The following BNC2 variants were observed in gnomAD, a reference collection of about 807,000 sequenced individuals.
BNC2 encodes zinc finger protein basonuclin-2.
BNC2 carries 20 observed loss-of-function variants against 76.3 expected under a neutral mutation model. That is an observed-to-expected ratio of 0.26 (90% CI 0.18 to 0.38). The LOEUF (loss-of-function observed/expected upper bound fraction) is 0.38. BNC2 is among the 10% of genes least tolerant of loss of function. BNC2 has a pLI of 1.00. For missense variants in BNC2, 1,382 were observed against 1,399.8 expected (o/e 0.99, Z 0.20); for synonymous variants, 582 against 514.8 (o/e 1.13, Z -1.77).
chr9:16,757,042 G>T (rs1481306859), intron 1 of BNC2, among the ~76,000 whole-genome samples: 1 of 147,258 alleles, frequency 6.8e-6, no homozygotes, highest in African/African-American at 2.5e-5. Context: ...TATTCCTAAA[G>T]TGCCCTGTAC....
chr9:16,808,449 T>A (rs1817964238), intron 1 of BNC2, among the ~76,000 whole-genome samples: 1 of 145,960 alleles, frequency 6.9e-6, no homozygotes, highest in Admixed American at 6.8e-5. Flanking sequence ...CCTGAATCTA[T>A]CAATATCCTA....
chr9:16,451,058 ATTAACT>A (rs34079433), intron 5 of BNC2, among the ~76,000 whole-genome samples: 83,825 of 151,306 alleles, frequency 0.55, 24,759 homozygotes, highest in African/African-American at 0.77. Context: ...TTTCTAAATC[ATTAACT>A]TTATCTTTTA....
At position 16,436,874 on chromosome 9, in the gene BNC2, T is replaced by A; in HGVS notation, c.1320A>T (p.Arg440Ser). ...RRMGSASRKG[R>S]VFCNACGKTF... ...TCTTCCCACATGCATTACAGAACACTCTTCCTTTCCTAGAGGCTGACCCCA... is the reference window on the plus strand; with the variant it reads ...TCTTCCCACATGCATTACAGAACACACTTCCTTTCCTAGAGGCTGACCCCA... The change falls in exon 6 of 7, where the codon AGA becomes AGT. Residue 440 changes from arginine (R) to serine (S), a missense_variant. Physicochemically the swap from Arg to Ser is moderately radical, Grantham distance 110. Transcript: ENST00000380672. 4 of 1,614,144 alleles carry A rather than the reference T, an allele frequency of 2.5e-6. No individual in the cohort carries two copies. The highest frequency in any genetic ancestry group is 2.5e-6 in the Non-Finnish European group (3 of 1,180,040).
intron 6 of BNC2, among the ~76,000 whole-genome samples, chr9:16,423,056 G>A (rs1218549078): frequency 6.6e-6 from 1 of 152,224 alleles, no homozygotes; most frequent in Non-Finnish European, 1.5e-5. Context: ...GAAGGCCAGA[G>A]AGTGCTGGAA....
chr9:16,780,239 AAAAAAAAAAAAAAAAAAC>A (rs1235432241), intron 1 of BNC2, among the ~76,000 whole-genome samples: 2 of 105,264 alleles, frequency 1.9e-5, no homozygotes, highest in African/African-American at 4.5e-5. Context: ...TCGTTTCAAA[AAAAAAAAAAAAAAAAAAC>A]AAAAAAAAAC....
chr9:16,441,486 A>T (rs1237630114), intron 5 of BNC2, among the ~76,000 whole-genome samples: 1 of 152,220 alleles, frequency 6.6e-6, no homozygotes, highest in Non-Finnish European at 1.5e-5. Context: ...GTTAGAAAGC[A>T]TCAAAGGGAA....
intron 5 of BNC2, among the ~76,000 whole-genome samples, chr9:16,471,798 C>G (rs1008337025): frequency 6.6e-6 from 1 of 152,038 alleles, no homozygotes; most frequent in African/African-American, 2.4e-5. Context: ...GTGTCCCCAC[C>G]AAAATCTCAA....
chr9:16,555,620 TC>T (rs997856485), intron 4 of BNC2, among the ~76,000 whole-genome samples: 1 of 151,538 alleles, frequency 6.6e-6, no homozygotes, highest in Non-Finnish European at 1.5e-5. Context: ...GCGGTGAAAC[TC>T]CCACCTCTAC....
chr9:16,437,384 G>T lies in BNC2; in HGVS notation c.810C>A (p.Ala270=). The T allele has an allele frequency of 6.2e-7, 1 of 1,612,210 alleles. No individual in the cohort carries two copies. Among genetic ancestry groups the T allele is most frequent in the South Asian group, 1.1e-5 (1 of 90,970 alleles). ...LMAIQEKEGQ[A]VAVPSSKTDS... is the part of the protein sequence containing the mutation. ...CTGTCTTTGAAGATGGTACAGCCAC[G>T]GCCTGCCCTTCTTTCTCCTGAATTG... The change falls in exon 6 of 7, where the codon GCC becomes GCA. Residue 270 remains alanine (A), a synonymous_variant. Transcript: ENST00000380672.
chr9:16,853,824 A>G (rs1819188554), intron 1 of BNC2, among the ~76,000 whole-genome samples: 1 of 152,026 alleles, frequency 6.6e-6, no homozygotes, highest in Non-Finnish European at 1.5e-5. Flanking sequence ...GCCAAGACTG[A>G]GCCACTGCAC....
intron 3 of BNC2, among the ~76,000 whole-genome samples, chr9:16,684,294 A>G (rs1271383237): frequency 6.6e-6 from 1 of 152,198 alleles, no homozygotes; most frequent in East Asian, 1.9e-4. Context: ...CTGCATTTGC[A>G]TGTCACACAC....
intron 1 of BNC2, among the ~76,000 whole-genome samples, chr9:16,812,790 C>CAA (rs1345185590): frequency 6.6e-6 from 1 of 151,798 alleles, no homozygotes; most frequent in Admixed American, 6.6e-5. Context: ...TGTTAAGCAA[C>CAA]AAAAATAAAA....
chr9:16,454,334 A>T lies in BNC2; in HGVS notation c.670-16810T>A, dbSNP rs552743401. Among the ~76,000 whole-genome samples, 20 of 132,250 alleles carry T rather than the reference A, an allele frequency of 1.5e-4. 1 individual carries two copies. The East Asian group carries it at 4.6e-3, about 31-fold the overall frequency. The allele number at this position is 132,250 out of a possible 152,430, so 86.8% of individuals were successfully genotyped here. ...TTTTTAATTTTAGAGAGAGGGTCTCACTCTGTTGCCCAGGCTGGAGTGCAG... is the reference window on the plus strand; with the variant it reads ...TTTTTAATTTTAGAGAGAGGGTCTCTCTCTGTTGCCCAGGCTGGAGTGCAG... On this transcript the variant is annotated intron_variant, in intron 5 of 6. Coordinates refer to ENST00000380672, the MANE Select transcript of BNC2 (RefSeq NM_017637.6).
At chr9:16,692,925 T>C (rs976534457) in intron 3 of BNC2, among the ~76,000 whole-genome samples, 4 of 152,014 alleles carry the variant, frequency 2.6e-5, no homozygotes, top group Non-Finnish European at 5.9e-5. Context: ...AGGTCAGGAA[T>C]TCGACACTAG....
chr9:16,468,479 T>A (rs1166073419), intron 5 of BNC2, among the ~76,000 whole-genome samples: 1 of 152,030 alleles, frequency 6.6e-6, no homozygotes, highest in Non-Finnish European at 1.5e-5. Flanking sequence ...CACTGCAACC[T>A]CTGCCTCCCA....
chr9:16,539,081 C>T (rs1278177980), intron 5 of BNC2, among the ~76,000 whole-genome samples: 2 of 151,998 alleles, frequency 1.3e-5, no homozygotes, highest in Admixed American at 6.6e-5. Context: ...ATACCACTTC[C>T]ACTAAATTGA....
intron 5 of BNC2, among the ~76,000 whole-genome samples, chr9:16,550,616 A>C (rs1818628672): frequency 6.6e-6 from 1 of 152,252 alleles, no homozygotes; most frequent in South Asian, 2.1e-4. Flanking sequence ...ATAGCCCTGC[A>C]CATACCTATT....
At chr9:16,596,550 G>C (rs1587215863) in intron 3 of BNC2, among the ~76,000 whole-genome samples, 1 of 152,264 alleles carries the variant, frequency 6.6e-6, no homozygotes, top group East Asian at 1.9e-4. Context: ...ATTTGGGACA[G>C]AATATGGATA....
chr9:16,747,283 T>C (rs934750912), intron 1 of BNC2, among the ~76,000 whole-genome samples: 1 of 151,864 alleles, frequency 6.6e-6, no homozygotes, highest in Admixed American at 6.6e-5. Flanking sequence ...AATTACAGAA[T>C]AAATCTACAC....
Sources: allele counts gnomAD v4.1 joint callset (sites outside exome capture counted in the v4.1 genomes callset), GRCh38; gene constraint gnomAD v4.1.1; transcripts MANE v1.5; gene names NCBI Gene and HGNC (gene_info 2026-07-23, HGNC 2026-07-21).